The following SUGCT variants were observed in gnomAD, a reference collection of about 807,000 sequenced individuals.
SUGCT encodes succinyl-CoA:glutarate-CoA transferase, also known as succinyl-CoA:glutarate CoA-transferase.
SUGCT carries 41 observed loss-of-function variants against 55.0 expected under a neutral mutation model. The ratio of observed to expected loss-of-function variants is 0.74; its 90% CI spans 0.58 to 0.97. The LOEUF (loss-of-function observed/expected upper bound fraction) is 0.97. Ranked by LOEUF, SUGCT falls within the 50% of genes least tolerant of loss-of-function variation. SUGCT has a pLI of 0.00. For synonymous variants in SUGCT, 187 were observed against 200.4 expected, an observed-to-expected ratio of 0.93 and a Z score of 0.56; for missense variants, 568 against 547.8, an observed-to-expected ratio of 1.04 and a Z score of -0.37.
rs1419495502 is a variant in SUGCT at position 40,536,332 on chromosome 7, A to G, written c.1089+39946A>G. On this transcript the variant is annotated intron_variant, in intron 12 of 13. Coordinates refer to ENST00000335693, the MANE Select transcript of SUGCT (RefSeq NM_001193313.2). Reference sequence around the variant, plus strand: ...CATTCTGAATGTAAGAGAGAGGGATACCTTATGCTCTGAGACAGGCAGGGA... The same window carrying G: ...CATTCTGAATGTAAGAGAGAGGGATGCCTTATGCTCTGAGACAGGCAGGGA... Among the ~76,000 whole-genome samples, 7 of 152,310 alleles carry G rather than the reference A, an allele frequency of 4.6e-5. No homozygotes were observed. In the East Asian group the frequency reaches 9.7e-4, roughly 21 times the overall value.
intron 12 of SUGCT, among the ~76,000 whole-genome samples, chr7:40,541,882 A>G (rs1298072686): frequency 1.3e-5 from 2 of 152,226 alleles, no homozygotes; most frequent in African/African-American, 4.8e-5. Flanking sequence ...AGTTTAGGAT[A>G]TATTTCATGG....
Position 40,611,027 on chromosome 7 carries a change from T to C in SUGCT, c.1089+114641T>C, listed in dbSNP as rs552427991. ...GGGGAAAGGCATGCATTTTAGACATTTCCCCTGAGTGTGCTTGGTTCTGAC... is the reference window on the plus strand; with the variant it reads ...GGGGAAAGGCATGCATTTTAGACATCTCCCCTGAGTGTGCTTGGTTCTGAC... On this transcript the variant is annotated intron_variant, in intron 12 of 13. Coordinates refer to ENST00000335693, the MANE Select transcript of SUGCT (RefSeq NM_001193313.2). Among the ~76,000 whole-genome samples, 17 of 152,232 alleles carry C rather than the reference T, an allele frequency of 1.1e-4. No individual in the cohort carries two copies. In the South Asian group the frequency reaches 3.3e-3, roughly 30 times the overall value.
At chr7:40,805,122 G>A (rs1207890280) in intron 13 of SUGCT, among the ~76,000 whole-genome samples, 2 of 152,172 alleles carry the variant, frequency 1.3e-5, no homozygotes, top group East Asian at 3.8e-4. Context: ...GGACAGTTTA[G>A]GATGCACTGG....
intron 12 of SUGCT, among the ~76,000 whole-genome samples, chr7:40,513,781 G>GTGTTT (rs1444835593): frequency 7.3e-6 from 1 of 137,806 alleles, no homozygotes; most frequent in African/African-American, 2.7e-5. Flanking sequence ...GCTCAGGGAA[G>GTGTTT]TATTTTTTTT....
rs576629238 is a variant in SUGCT, at chr7:40,637,504, A to C, written c.1090-111930A>C. 3.5e-4 allele frequency among the ~76,000 whole-genome samples: 53 copies of C among 152,210 alleles called. 1 individual carries two copies. Among genetic ancestry groups the C allele is most frequent in the Admixed American group, 1.3e-4 (2 of 15,290 alleles). ...CCCCAGACACTAGGGTAGTTCCTTG[A>C]TTTAAAACATCTTTTTGATATTTGT... is the stretch of plus-strand genomic sequence containing the variant. On this transcript the variant is annotated intron_variant, in intron 12 of 13. Transcript: ENST00000335693.
chr7:40,844,413 G>C (rs1793451291), intron 13 of SUGCT, among the ~76,000 whole-genome samples: 1 of 152,104 alleles, frequency 6.6e-6, no homozygotes, highest in African/African-American at 2.4e-5. Flanking sequence ...GAGCTGGAAG[G>C]GGGACAGAGT....
intron 12 of SUGCT, among the ~76,000 whole-genome samples, chr7:40,743,148 T>C (rs562078517): frequency 6.6e-6 from 1 of 152,302 alleles, no homozygotes; most frequent in South Asian, 2.1e-4. Context: ...ATGTACAGTG[T>C]ATATGGCAGA....
At chr7:40,748,358 G>A (rs1787838283) in intron 12 of SUGCT, among the ~76,000 whole-genome samples, 1 of 151,952 alleles carries the variant, frequency 6.6e-6, no homozygotes, top group African/African-American at 2.4e-5. Flanking sequence ...TCTAGAAGCA[G>A]GATAAAGATA....
chr7:40,617,180 G>GA (rs1799043641), intron 12 of SUGCT, among the ~76,000 whole-genome samples: 2 of 151,904 alleles, frequency 1.3e-5, no homozygotes, highest in Admixed American at 6.5e-5. Flanking sequence ...TTATGTCTTT[G>GA]AAAAATGGAT....
At chr7:40,589,480 C>T (rs1797593433) in intron 12 of SUGCT, among the ~76,000 whole-genome samples, 1 of 152,088 alleles carries the variant, frequency 6.6e-6, no homozygotes, top group African/African-American at 2.4e-5. Context: ...TGGTAAAGGA[C>T]CAGAAGAGAG....
intron 13 of SUGCT, among the ~76,000 whole-genome samples, chr7:40,839,895 C>T (rs1171414039): frequency 3.9e-5 from 6 of 151,990 alleles, no homozygotes; most frequent in Admixed American, 3.9e-4. Context: ...TAATGCCCAC[C>T]GAGTGTGCTA....
chr7:40,339,757 A>C (rs1796943640), intron 9 of SUGCT, among the ~76,000 whole-genome samples: 1 of 152,080 alleles, frequency 6.6e-6, no homozygotes, highest in South Asian at 2.1e-4. Context: ...ACTGTCCTGC[A>C]CTCACTGTCC....
intron 9 of SUGCT, among the ~76,000 whole-genome samples, chr7:40,391,450 A>C (rs1451633756): frequency 6.6e-6 from 1 of 151,628 alleles, no homozygotes; most frequent in African/African-American, 2.4e-5. Context: ...AAAATCAAAC[A>C]ACCCCATCAA....
intron 9 of SUGCT, among the ~76,000 whole-genome samples, chr7:40,416,560 A>G (rs759143760): frequency 3.4e-4 from 51 of 152,020 alleles, no homozygotes; most frequent in Non-Finnish European, 6.9e-4. Context: ...TAAGGTTTCA[A>G]TGTAATGAAT....
At chr7:40,644,412 G>C (rs1261107738) in intron 12 of SUGCT, among the ~76,000 whole-genome samples, 2 of 152,162 alleles carry the variant, frequency 1.3e-5, no homozygotes, top group African/African-American at 4.8e-5. Context: ...ACTCACTACT[G>C]ATCATGCTTT....
At chr7:40,359,164 C>CATGTATGTATGTATGT (rs112419807) in intron 9 of SUGCT, among the ~76,000 whole-genome samples, 1 of 151,784 alleles carries the variant, frequency 6.6e-6, no homozygotes, top group African/African-American at 2.4e-5. Context: ...TATGTATGTA[C>CATGTATGTATGTATGT]ATGTATGTAT....
At chr7:40,681,528 C>G (rs1350009427) in intron 12 of SUGCT, among the ~76,000 whole-genome samples, 1 of 152,054 alleles carries the variant, frequency 6.6e-6, no homozygotes, top group Non-Finnish European at 1.5e-5. Context: ...GAAAGGAAGG[C>G]ATTTATTGGC....
intron 13 of SUGCT, chr7:40,782,508 C>T (rs574032197): frequency 1.5e-3 from 229 of 152,202 alleles, no homozygotes; most frequent in African/African-American, 5.3e-3. Flanking sequence ...TTCTTCTGCT[C>T]CTAACCAAAG....
chr7:40,744,482 T>C (rs1259938349), intron 12 of SUGCT, among the ~76,000 whole-genome samples: 1 of 152,204 alleles, frequency 6.6e-6, no homozygotes, highest in Non-Finnish European at 1.5e-5. Context: ...ATCAGCTAGT[T>C]ATTTTAATGG....
Sources: allele counts gnomAD v4.1 joint callset (sites outside exome capture counted in the v4.1 genomes callset), GRCh38; gene constraint gnomAD v4.1.1; transcripts MANE v1.5; gene names NCBI Gene and HGNC (gene_info 2026-07-23, HGNC 2026-07-21).